The following TNNI3K variants were observed in gnomAD, a reference collection of about 807,000 sequenced individuals.
The protein encoded by TNNI3K is serine/threonine-protein kinase TNNI3K.
TNNI3K carries 140 observed loss-of-function variants against 114.5 expected under a neutral mutation model. That is an observed-to-expected ratio of 1.22 (90% confidence interval 1.07 to 1.41). The LOEUF (loss-of-function observed/expected upper bound fraction) is 1.41, where lower values mean the gene tolerates loss of function less well. Among genes scored for constraint, TNNI3K ranks in the 40% most tolerant of loss-of-function variants. TNNI3K has a pLI of 0.00. For missense variants in TNNI3K, 1,125 were observed against 1,007.6 expected, an observed-to-expected ratio of 1.12 and a Z score of -1.58; for synonymous variants, 347 against 347.5, an observed-to-expected ratio of 1.00 and a Z score of 0.02.
chr1:74,363,841 T>C (rs1415322368), intron 11 of TNNI3K, among the ~76,000 whole-genome samples: 2 of 151,564 alleles, frequency 1.3e-5, no homozygotes, highest in Non-Finnish European at 2.9e-5. Context: ...CCAAATTAAG[T>C]AAAAGGAAGA....
intron 5 of TNNI3K, among the ~76,000 whole-genome samples, chr1:74,284,108 A>G (rs1657179847): frequency 1.3e-5 from 2 of 152,162 alleles, no homozygotes; most frequent in Non-Finnish European, 2.9e-5. Context: ...AATTAGGAAT[A>G]CATTGTAATA....
At chr1:74,496,844 G>C (rs1282989334) in intron 23 of TNNI3K, among the ~76,000 whole-genome samples, 1 of 152,144 alleles carries the variant, frequency 6.6e-6, no homozygotes, top group African/African-American at 2.4e-5. Flanking sequence ...ATCCCATCTT[G>C]TACATGGATT....
At chr1:74,360,141 C>T (rs1180301892) in intron 11 of TNNI3K, among the ~76,000 whole-genome samples, 1 of 151,602 alleles carries the variant, frequency 6.6e-6, no homozygotes, top group Non-Finnish European at 1.5e-5. Context: ...CCTCATAATA[C>T]TTCTTCTAAT....
At chr1:74,335,314 T>G (rs1660408256) in intron 6 of TNNI3K, among the ~76,000 whole-genome samples, 1 of 152,182 alleles carries the variant, frequency 6.6e-6, no homozygotes, top group Non-Finnish European at 1.5e-5. Context: ...AAACTGCACC[T>G]TAACTCTTAA....
At chr1:74,307,214 A>C (rs1181763359) in intron 5 of TNNI3K, among the ~76,000 whole-genome samples, 1 of 152,226 alleles carries the variant, frequency 6.6e-6, no homozygotes, top group Non-Finnish European at 1.5e-5. Flanking sequence ...TAAAGCAACT[A>C]TACAATTGAG....
intron 9 of TNNI3K, among the ~76,000 whole-genome samples, chr1:74,346,378 A>ATTGT (rs1391190705): frequency 6.6e-6 from 1 of 152,086 alleles, no homozygotes; most frequent in Non-Finnish European, 1.5e-5. Flanking sequence ...TTCTAATTTG[A>ATTGT]TTGTCCTGCA....
intron 2 of TNNI3K, among the ~76,000 whole-genome samples, chr1:74,243,951 G>A (rs1479345306): frequency 6.6e-6 from 1 of 152,104 alleles, no homozygotes; most frequent in Non-Finnish European, 1.5e-5. Context: ...GAATACATAA[G>A]TGATGCTCAA....
At chr1:74,446,029 A>T (rs1371724005) in intron 20 of TNNI3K, among the ~76,000 whole-genome samples, 2 of 151,940 alleles carry the variant, frequency 1.3e-5, no homozygotes, top group Non-Finnish European at 2.9e-5. Context: ...TAGCAGCATG[A>T]TTTATAGTCA....
At chr1:74,437,307 C>A (rs1666179456) in intron 19 of TNNI3K, among the ~76,000 whole-genome samples, 1 of 152,052 alleles carries the variant, frequency 6.6e-6, no homozygotes, top group African/African-American at 2.4e-5. Context: ...TAACTCCAGT[C>A]CTCTCTTCTT....
At chr1:74,398,803 C>G (rs1664213061) in intron 17 of TNNI3K, among the ~76,000 whole-genome samples, 1 of 152,010 alleles carries the variant, frequency 6.6e-6, no homozygotes, top group South Asian at 2.1e-4. Context: ...TGTTATCTCC[C>G]CTCTTCTGGA....
intron 5 of TNNI3K, among the ~76,000 whole-genome samples, chr1:74,318,210 A>C (rs1047321234): frequency 6.6e-6 from 1 of 152,132 alleles, no homozygotes; most frequent in African/African-American, 2.4e-5. Flanking sequence ...CCATTTTGAG[A>C]TTGTCTCAGG....
chr1:74,507,217 T>G (rs1341748148), intron 23 of TNNI3K, among the ~76,000 whole-genome samples: 1 of 116,148 alleles, frequency 8.6e-6, no homozygotes, highest in Non-Finnish European at 1.9e-5. Flanking sequence ...GTTTTTAAAT[T>G]TCTTCACCCC....
intron 23 of TNNI3K, among the ~76,000 whole-genome samples, chr1:74,500,383 C>A (rs886583673): frequency 6.6e-6 from 1 of 151,474 alleles, no homozygotes; most frequent in African/African-American, 2.4e-5. Flanking sequence ...GGGCGGATCA[C>A]GAGGTCAGGA....
chr1:74,524,402 C>T (rs868287167), intron 23 of TNNI3K, among the ~76,000 whole-genome samples: 4 of 152,194 alleles, frequency 2.6e-5, no homozygotes, highest in Non-Finnish European at 2.9e-5. Context: ...TCCAGGGCTG[C>T]TGTGGAGTTT....
intron 5 of TNNI3K, among the ~76,000 whole-genome samples, chr1:74,328,845 G>A (rs568494244): frequency 8.5e-5 from 13 of 152,156 alleles, no homozygotes; most frequent in African/African-American, 2.4e-4. Context: ...TTGAAAGTCC[G>A]TTTTGCATAA....
chr1:74,465,202 C>G (rs1265664307), intron 21 of TNNI3K, among the ~76,000 whole-genome samples: 4 of 152,220 alleles, frequency 2.6e-5, no homozygotes, highest in Non-Finnish European at 5.9e-5. Context: ...TCTTCAGCCC[C>G]CAGCTGCACC....
At chr1:74,321,599 G>A (rs953189645) in intron 5 of TNNI3K, among the ~76,000 whole-genome samples, 4 of 151,612 alleles carry the variant, frequency 2.6e-5, no homozygotes, top group Non-Finnish European at 5.9e-5. Flanking sequence ...TTATATAACT[G>A]ATGAAATTAT....
At chr1:74,281,069 T>A (rs1557471330) in intron 5 of TNNI3K, among the ~76,000 whole-genome samples, 1 of 152,112 alleles carries the variant, frequency 6.6e-6, no homozygotes, top group Non-Finnish European at 1.5e-5. Flanking sequence ...AGACCCACCC[T>A]GGGACAGAAG....
At chr1:74,301,714 T>G (rs1020066771) in intron 5 of TNNI3K, among the ~76,000 whole-genome samples, 2 of 152,170 alleles carry the variant, frequency 1.3e-5, no homozygotes, top group African/African-American at 4.8e-5. Context: ...CCTGTCCCAC[T>G]CACAGTTTGA....
Sources: gnomAD v4.1 joint callset for allele counts (sites outside exome capture counted in the v4.1 genomes callset) on GRCh38, gnomAD v4.1.1 for gene constraint, MANE v1.5 for transcripts, NCBI Gene and HGNC (gene_info 2026-07-23, HGNC 2026-07-21) for gene names.